GRM1: variants seen among roughly 807,000 people sequenced by gnomAD.
GRM1 encodes metabotropic glutamate receptor 1.
GRM1 carries 33 observed loss-of-function variants against 90.9 expected under a neutral mutation model. The ratio of observed to expected loss-of-function variants is 0.36; its 90% CI spans 0.28 to 0.49. The LOEUF (loss-of-function observed/expected upper bound fraction) is 0.49. GRM1 is among the 20% of genes least tolerant of loss of function. GRM1 has a pLI of 0.99. For synonymous variants in GRM1, 700 were observed against 613.2 expected, an observed-to-expected ratio of 1.14 and a Z score of -2.09; for missense variants, 1,190 against 1,534.3, an observed-to-expected ratio of 0.78 and a Z score of 3.75.
intron 2 of GRM1, among the ~76,000 whole-genome samples, chr6:146,241,112 T>G (rs1227986477): frequency 6.6e-6 from 1 of 152,118 alleles, no homozygotes; most frequent in Non-Finnish European, 1.5e-5. Context: ...ATTTTCAAAT[T>G]TATCCATCTA....
chr6:146,145,822 A>C (rs1777073221), intron 1 of GRM1, among the ~76,000 whole-genome samples: 1 of 152,144 alleles, frequency 6.6e-6, no homozygotes, highest in African/African-American at 2.4e-5. Context: ...TTTCAGAACT[A>C]TAGAGCTACC....
intron 2 of GRM1, among the ~76,000 whole-genome samples, chr6:146,219,583 A>G (rs76866130): frequency 1.8e-3 from 276 of 152,184 alleles, no homozygotes; most frequent in African/African-American, 6.4e-3. Flanking sequence ...AAATATTGGT[A>G]TGTAAGACAT....
intron 7 of GRM1, among the ~76,000 whole-genome samples, chr6:146,414,473 G>A (rs925692500): frequency 4.4e-4 from 66 of 151,616 alleles, no homozygotes; most frequent in African/African-American, 1.5e-3. Context: ...GCACGATCTC[G>A]GCGCACTGCA....
chr6:146,388,926 G>T (rs1043318705), intron 6 of GRM1, among the ~76,000 whole-genome samples: 9 of 152,116 alleles, frequency 5.9e-5, no homozygotes, highest in Non-Finnish European at 1.0e-4. Flanking sequence ...ACCACAGTGA[G>T]CATTCAAGAT....
chr6:146,421,827 T>C (rs1180056386), intron 7 of GRM1, among the ~76,000 whole-genome samples: 2 of 151,990 alleles, frequency 1.3e-5, no homozygotes, highest in East Asian at 3.9e-4. Flanking sequence ...GTGGAAAAAA[T>C]TTCCATTTAC....
intron 1 of GRM1, among the ~76,000 whole-genome samples, chr6:146,131,827 A>T (rs913405658): frequency 3.9e-5 from 6 of 152,292 alleles, no homozygotes; most frequent in African/African-American, 1.2e-4. Context: ...ATATTTATCT[A>T]TGTCCAACCA....
intron 1 of GRM1, among the ~76,000 whole-genome samples, chr6:146,087,081 G>A (rs1037857474): frequency 3.9e-5 from 6 of 151,992 alleles, no homozygotes; most frequent in African/African-American, 1.2e-4. Context: ...CAAAATTTAT[G>A]TTATCCAGTT....
chr6:146,399,291 T>A lies in GRM1; in HGVS notation c.2252T>A (p.Leu751Gln), dbSNP rs767615613. The A allele has an allele frequency of 3.1e-6, 5 of 1,614,010 alleles. No homozygotes were observed. Among genetic ancestry groups the A allele is most frequent in the Non-Finnish European group, 4.2e-6 (5 of 1,180,018 alleles). The change falls in exon 7 of 8, where the codon CTG becomes CAG. Residue 751 changes from leucine (L) to glutamine (Q), a missense_variant. Physicochemically the swap from Leu to Gln is moderately radical, Grantham distance 113. Transcript: ENST00000282753. This position sits in a 1 kb window ranked among gnomAD's most constrained non-coding sequence, Gnocchi z 5.4. ...TACCTTATCTGCAATACCAGCAACC[T>A]GGGTGTGGTGGCCCCTTTGGGCTAC... ...EVYLICNTSNLGVVAPLGYNG... is the reference protein window; with the variant it reads ...EVYLICNTSNQGVVAPLGYNG...
chr6:146,370,308 A>G (rs1044867619), intron 5 of GRM1, among the ~76,000 whole-genome samples: 2 of 151,776 alleles, frequency 1.3e-5, no homozygotes, highest in East Asian at 1.9e-4. Flanking sequence ...AGTTTTCTCC[A>G]TAGCCTTTTT....
chr6:146,406,969 G>C (rs1211015887), intron 7 of GRM1, among the ~76,000 whole-genome samples: 1 of 152,202 alleles, frequency 6.6e-6, no homozygotes, highest in Non-Finnish European at 1.5e-5. Context: ...ATTGGAAAGA[G>C]TTAGAAATCC....
chr6:146,357,717 C>T (rs762021245), intron 5 of GRM1, 23 bp downstream of exon 5: 1 of 1,602,798 alleles, frequency 6.2e-7, no homozygotes, highest in Non-Finnish European at 8.5e-7. Context: ...TGCATTCTTG[C>T]ATGGTATCTG....
intron 2 of GRM1, among the ~76,000 whole-genome samples, chr6:146,201,951 G>T (rs1779311974): frequency 1.3e-5 from 2 of 152,212 alleles, no homozygotes; most frequent in Non-Finnish European, 2.9e-5. Flanking sequence ...CTATGGCTCT[G>T]CAGAAGAGTT....
At chr6:146,197,275 TC>T in intron 2 of GRM1, among the ~76,000 whole-genome samples, 2 of 152,304 alleles carry the variant, frequency 1.3e-5, no homozygotes, top group Middle Eastern at 6.8e-3. Flanking sequence ...GAAAAAAGGA[TC>T]CAAGGTGAAA....
intron 1 of GRM1, among the ~76,000 whole-genome samples, chr6:146,121,689 A>G (rs1263672478): frequency 1.3e-5 from 2 of 152,134 alleles, no homozygotes; most frequent in Non-Finnish European, 1.5e-5. Flanking sequence ...TCATTTCATT[A>G]TGTACCCAGT....
chr6:146,034,236 C>G (rs1489714903), intron 1 of GRM1, among the ~76,000 whole-genome samples: 4 of 151,980 alleles, frequency 2.6e-5, no homozygotes, highest in African/African-American at 9.7e-5. Flanking sequence ...TCCACCAATC[C>G]TTCATTGAAG....
intron 1 of GRM1, among the ~76,000 whole-genome samples, chr6:146,104,894 G>A (rs1205094011): frequency 6.6e-6 from 1 of 152,192 alleles, no homozygotes; most frequent in African/African-American, 2.4e-5. Context: ...GGGGAAACTT[G>A]TATAGGTGAC....
intron 1 of GRM1, among the ~76,000 whole-genome samples, chr6:146,120,720 A>G (rs1280053497): frequency 2.0e-5 from 3 of 152,040 alleles, no homozygotes; most frequent in East Asian, 1.9e-4. Context: ...CTTTGGTTCT[A>G]TTTATATGCT....
At chr6:146,226,252 A>G (rs1408112277) in intron 2 of GRM1, among the ~76,000 whole-genome samples, 1 of 152,096 alleles carries the variant, frequency 6.6e-6, no homozygotes, top group Non-Finnish European at 1.5e-5. Context: ...TCTCTTCCTA[A>G]TGGACATGAA....
intron 2 of GRM1, among the ~76,000 whole-genome samples, chr6:146,162,944 T>G (rs1777787882): frequency 6.6e-6 from 1 of 152,128 alleles, no homozygotes; most frequent in Non-Finnish European, 1.5e-5. Flanking sequence ...AATAAAATAT[T>G]TGGCTCCACA....
Sources: gnomAD v4.1 joint callset for allele counts (sites outside exome capture counted in the v4.1 genomes callset) on GRCh38, gnomAD v4.1.1 for gene constraint, Gnocchi (gnomAD v3.1) non-coding constraint, MANE v1.5 for transcripts, NCBI Gene and HGNC (gene_info 2026-07-23, HGNC 2026-07-21) for gene names.